Variants in ACTG2 observed in about 807,000 individuals in gnomAD.
ACTG2 encodes actin, gamma-enteric smooth muscle.
Under a neutral mutation model 37.6 loss-of-function variants are expected in ACTG2, and 16 were observed. The ratio of observed to expected loss-of-function variants is 0.43; its 90% CI spans 0.29 to 0.65. The LOEUF (loss-of-function observed/expected upper bound fraction) is 0.65, where lower values mean the gene tolerates loss of function less well. Among genes scored for constraint, ACTG2 ranks in the 30% least tolerant of loss-of-function variants. The pLI is 0.18. For missense variants in ACTG2, 238 were observed against 490.9 expected (o/e 0.48, Z 4.87); for synonymous variants, 181 against 179.9 (o/e 1.01, Z -0.05).
rs531185393 is a variant in ACTG2 at position 73,895,866 on chromosome 2, T to C, written c.-37+2815T>C. On this transcript the variant is annotated intron_variant, in intron 1 of 8. Transcript: ENST00000345517. ...TATTTTAGGCTTTCGGAGCCTGAAG[T>C]TCTCTGTCACAAGTACTCAATTCTA... is the stretch of plus-strand genomic sequence containing the variant. Among the ~76,000 whole-genome samples, 154 of 152,340 alleles carry C rather than the reference T, an allele frequency of 1.0e-3. 2 individuals are homozygous for C. Among genetic ancestry groups the C allele is most frequent in the Admixed American group, 6.9e-3 (106 of 15,306 alleles).
intron 1 of ACTG2, among the ~76,000 whole-genome samples, chr2:73,898,941 T>C (rs996502748): frequency 1.4e-4 from 21 of 151,786 alleles, no homozygotes; most frequent in South Asian, 8.3e-4. Context: ...TAGCTGGGAC[T>C]ACAGGCGCCC....
intron 5 of ACTG2, among the ~76,000 whole-genome samples, chr2:73,911,796 A>C (rs759294455): frequency 1.3e-5 from 2 of 152,234 alleles, no homozygotes; most frequent in Non-Finnish European, 2.9e-5. Flanking sequence ...ACATGACTAT[A>C]TGTGGCCTTG....
At chr2:73,912,117 G>T (rs1680151661) in intron 5 of ACTG2, among the ~76,000 whole-genome samples, 1 of 152,200 alleles carries the variant, frequency 6.6e-6, no homozygotes, top group East Asian at 1.9e-4. Context: ...GAAATGCATG[G>T]CATATACAGT....
intron 1 of ACTG2, among the ~76,000 whole-genome samples, chr2:73,896,208 G>A (rs371311112): frequency 1.9e-4 from 29 of 152,158 alleles, no homozygotes; most frequent in African/African-American, 6.3e-4. Context: ...GAATGTAGTG[G>A]CCATGCCAGC....
chr2:73,901,499 A>G, intron 2 of ACTG2, 62 bp downstream of exon 2: 2 of 1,472,040 alleles, frequency 1.4e-6, no homozygotes, highest in South Asian at 1.2e-5. Context: ...TGCACTGTGG[A>G]GACCCTGCTG....
chr2:73,895,458 A>T (rs535049364), intron 1 of ACTG2, among the ~76,000 whole-genome samples: 1 of 152,330 alleles, frequency 6.6e-6, no homozygotes, highest in East Asian at 1.9e-4. Context: ...AGTGTTTTTC[A>T]TAGACAATTT....
At chr2:73,904,504 A>G (rs2104810149) in intron 3 of ACTG2, among the ~76,000 whole-genome samples, 1 of 151,462 alleles carries the variant, frequency 6.6e-6, no homozygotes, top group Middle Eastern at 3.4e-3. Flanking sequence ...TCTACTAAAC[A>G]ATAATTAGCT....
At chr2:73,902,715 A>C in intron 3 of ACTG2, 1 of 1,551,224 alleles carries the variant, frequency 6.4e-7, no homozygotes, top group East Asian at 2.4e-5. Context: ...TCTTGCCCTC[A>C]TTCACCGAAT....
rs1483870390 is a variant in ACTG2, at chr2:73,904,767, GTGTGTGTGTGTATATATATATA to G, written c.255+2281_255+2302del. ...TGTGTGTGTGTGTGTGTGTGTGTGTGTGTGTGTGTGTATATATATATATATATATATATATATATATATATAT... is the reference window on the plus strand; with the variant it reads ...TGTGTGTGTGTGTGTGTGTGTGTGTGTATATATATATATATATATATATAT... On this transcript the variant is annotated intron_variant, in intron 3 of 8. Transcript: ENST00000345517. 5.7e-3 allele frequency among the ~76,000 whole-genome samples: 509 copies of G among 88,920 alleles called. 4 individuals carry two copies. The highest frequency in any genetic ancestry group is 8.1e-3 in the Admixed American group (66 of 8,184). 58.3% of individuals were successfully genotyped at this position (88,920 alleles called of 152,430 possible).
intron 8 of ACTG2, 46 bp from the exon 9 acceptor site, chr2:73,919,386 A>T: frequency 6.3e-7 from 1 of 1,586,296 alleles, no homozygotes; most frequent in South Asian, 1.1e-5. Context: ...CACCTTGCTT[A>T]TTCCCTTGGG....
intron 8 of ACTG2, among the ~76,000 whole-genome samples, chr2:73,918,756 A>G (rs1415573732): frequency 2.6e-5 from 4 of 152,236 alleles, no homozygotes; most frequent in Admixed American, 2.6e-4. Context: ...GATGACAGAT[A>G]GCTCAAAACA....
At chr2:73,907,456 G>T (rs1011164369) in intron 3 of ACTG2, among the ~76,000 whole-genome samples, 3 of 152,156 alleles carry the variant, frequency 2.0e-5, no homozygotes, top group Non-Finnish European at 4.4e-5. Context: ...CTGGACACAG[G>T]AAGAAATTAA....
intron 5 of ACTG2, 54 bp downstream of exon 5, chr2:73,909,193 G>C: frequency 6.6e-7 from 1 of 1,514,158 alleles, no homozygotes; most frequent in Non-Finnish European, 9.2e-7. Flanking sequence ...GTAGGGAAAA[G>C]CTGGGGTCTG....
chr2:73,901,359 C>T lies in ACTG2; in HGVS notation c.48C>T (p.Gly16=). 1 of 1,614,092 alleles carries T rather than the reference C, an allele frequency of 6.2e-7. No individual in the cohort carries two copies. Among genetic ancestry groups the T allele is most frequent in the East Asian group, 2.2e-5 (1 of 44,888 alleles). The stretch of plus-strand genomic sequence containing the variant: ...CGCTCGTGTGTGACAATGGCTCTGG[C>T]CTGTGCAAGGCAGGCTTCGCAGGAG... ...TTALVCDNGS[G]LCKAGFAGDD... The change falls in exon 2 of 9, where the codon GGC becomes GGT. Residue 16 remains glycine (G), a synonymous_variant. Coordinates refer to ENST00000345517, the MANE Select transcript of ACTG2 (RefSeq NM_001615.4).
At chr2:73,919,001 A>G (rs79309311) in intron 8 of ACTG2, among the ~76,000 whole-genome samples, 2,801 of 152,312 alleles carry the variant, frequency 0.018, 96 homozygotes, top group African/African-American at 0.065. Context: ...AGGCTTGGCT[A>G]AGTAAGTGGC....
Position 73,916,691 on chromosome 2 carries a change from A to G in ACTG2, c.913A>G (p.Thr305Ala), listed in dbSNP as rs1680276312. 6.2e-7 allele frequency: 1 copy of G among 1,614,078 alleles called. No homozygotes were observed. Among genetic ancestry groups the G allele is most frequent in the Admixed American group, 1.7e-5 (1 of 59,998 alleles). The change falls in exon 8 of 9, where the codon ACC becomes GCC. Residue 305 changes from threonine to alanine, a missense_variant. Thr to Ala is a moderately conservative substitution (Grantham distance 58). Transcript: ENST00000345517. ...CAACAATGTCCTCTCTGGGGGCACCACCATGTACCCTGGCATTGCTGACAG... is the reference window on the plus strand; with the variant it reads ...CAACAATGTCCTCTCTGGGGGCACCGCCATGTACCCTGGCATTGCTGACAG... ...YANNVLSGGT[T>A]MYPGIADRMQ...
chr2:73,914,910 G>T (rs1157101644), intron 7 of ACTG2, 39 bp downstream of exon 7: 8 of 1,456,680 alleles, frequency 5.5e-6, no homozygotes, highest in Non-Finnish European at 7.3e-6. Context: ...TCTCAGGAGG[G>T]GAGGGTGGAG....
At position 73,908,608 on chromosome 2, in the gene ACTG2, A is replaced by G. The variant is rs1238631646; in HGVS notation, c.256-65A>G. 3.0e-6 allele frequency: 4 copies of G among 1,338,248 alleles called. No individual in the cohort carries two copies. In the African/African-American group the frequency reaches 4.4e-5, roughly 15 times the overall value. The allele number at this position is 1,338,248 out of a possible 1,614,324, so 82.9% of individuals were successfully genotyped here. On this transcript the variant is annotated intron_variant, in intron 3 of 8. Transcript: ENST00000345517. Reference sequence around the variant, plus strand: ...GGTGCCACACTCTCCCAGCATGGGAATGTCAATGAGAATTTTCCAGCCATT... The same window carrying G: ...GGTGCCACACTCTCCCAGCATGGGAGTGTCAATGAGAATTTTCCAGCCATT...
At chr2:73,896,487 T>C (rs1679751442) in intron 1 of ACTG2, among the ~76,000 whole-genome samples, 1 of 152,164 alleles carries the variant, frequency 6.6e-6, no homozygotes, top group East Asian at 1.9e-4. Context: ...TACTATCATT[T>C]CCATGTTCTA....
Sources: gnomAD v4.1 joint callset for allele counts (sites outside exome capture counted in the v4.1 genomes callset) on GRCh38, gnomAD v4.1.1 for gene constraint, MANE v1.5 for transcripts, NCBI Gene and HGNC (gene_info 2026-07-23, HGNC 2026-07-21) for gene names.